Variants in GRXCR2 observed in about 807,000 individuals in gnomAD.
The protein encoded by GRXCR2 is glutaredoxin and cysteine rich domain containing 2, also known as glutaredoxin domain-containing cysteine-rich protein 2.
A neutral mutation model predicts 24.8 loss-of-function variants in GRXCR2; 23 were observed. The observed-to-expected ratio is 0.93, with a 90% confidence interval of 0.67 to 1.32. GRXCR2 has a LOEUF of 1.32. GRXCR2 is among the 40% of genes most tolerant of loss of function. GRXCR2 has a pLI of 0.00. For missense variants in GRXCR2, 315 were observed against 303.4 expected, an observed-to-expected ratio of 1.04 and a Z score of -0.28; for synonymous variants, 130 against 116.1, an observed-to-expected ratio of 1.12 and a Z score of -0.77.
At chr5:145,878,172 A>G (rs1756647069) in intron 2 of GRXCR2, among the ~76,000 whole-genome samples, 1 of 152,248 alleles carries the variant, frequency 6.6e-6, no homozygotes, top group Non-Finnish European at 1.5e-5. Context: ...CCAGCAACGG[A>G]TCAAAGCTGG....
At chr5:145,927,837 C>T (rs1047034877) in intron 2 of GRXCR2, among the ~76,000 whole-genome samples, 2 of 152,118 alleles carry the variant, frequency 1.3e-5, no homozygotes, top group African/African-American at 4.8e-5. Context: ...AGGACATAGG[C>T]ATGGGGAAGC....
intron 2 of GRXCR2, among the ~76,000 whole-genome samples, chr5:145,928,722 A>G (rs1437838415): frequency 7.7e-6 from 1 of 130,694 alleles, no homozygotes; most frequent in Admixed American, 8.7e-5. Context: ...TGGACACAGG[A>G]AGGGGAACAT....
chr5:145,890,322 T>C (rs151002621), intron 2 of GRXCR2, among the ~76,000 whole-genome samples: 2,069 of 152,246 alleles, frequency 0.014, 18 homozygotes, highest in Non-Finnish European at 0.021. Context: ...ACTTCTGACC[T>C]CAAGTAATCT....
At chr5:145,929,019 A>C (rs544796887) in intron 2 of GRXCR2, among the ~76,000 whole-genome samples, 2 of 151,726 alleles carry the variant, frequency 1.3e-5, no homozygotes, top group East Asian at 1.9e-4. Flanking sequence ...AGAAATAACC[A>C]TTGCTAACAT....
downstream of GRXCR2, among the ~76,000 whole-genome samples, chr5:145,857,671 G>T (rs1443815231): frequency 6.6e-6 from 1 of 152,160 alleles, no homozygotes; most frequent in African/African-American, 2.4e-5. Flanking sequence ...CAATAAATAT[G>T]ATCATTAGTA....
At chr5:145,902,115 A>G (rs1757033875) in intron 2 of GRXCR2, among the ~76,000 whole-genome samples, 1 of 151,996 alleles carries the variant, frequency 6.6e-6, no homozygotes, top group South Asian at 2.1e-4. Flanking sequence ...TTTTTTAGAG[A>G]GATGGGGTCT....
At chr5:145,889,183 AGAAAG>A in intron 2 of GRXCR2, among the ~76,000 whole-genome samples, 1 of 119,910 alleles carries the variant, frequency 8.3e-6, no homozygotes, top group African/African-American at 3.2e-5. Context: ...AAAGAAAGAA[AGAAAG>A]AAAGAAAGAA....
chr5:145,910,024 A>G lies in GRXCR2; in HGVS notation c.-70+25677T>C, dbSNP rs113191384. ...AACGAGATTCCCATTGCTCTTACTC[A>G]TTGGAACTGTCACGCTGTGGCTGAA... On this transcript the variant is annotated intron_variant, in intron 2 of 3. Coordinates refer to the GRXCR2 transcript ENST00000639411. Among the ~76,000 whole-genome samples the G allele has an allele frequency of 4.6e-3, 700 of 152,260 alleles. 7 individuals are homozygous for G. Among genetic ancestry groups the G allele is most frequent in the African/African-American group, 0.016 (664 of 41,562 alleles).
At chr5:145,866,759 T>C in intron 1 of GRXCR2, 31 bp from the exon 2 acceptor site, 2 of 1,408,340 alleles carry the variant, frequency 1.4e-6, no homozygotes, top group Non-Finnish European at 2.0e-6. Flanking sequence ...CATGGAAACT[T>C]TACCACCAAT....
At chr5:145,919,074 G>C (rs1317490007) in intron 2 of GRXCR2, among the ~76,000 whole-genome samples, 6 of 152,098 alleles carry the variant, frequency 3.9e-5, no homozygotes, top group African/African-American at 1.4e-4. Flanking sequence ...CTGTTCTTGC[G>C]GTCAAGTCGG....
Position 145,905,688 on chromosome 5 carries a change from C to T in GRXCR2, c.-70+30013G>A, listed in dbSNP as rs115643009. 3.3e-3 allele frequency among the ~76,000 whole-genome samples: 505 copies of T among 152,200 alleles called. 4 individuals carry two copies. The highest frequency in any genetic ancestry group is 0.011 in the African/African-American group (472 of 41,516). Reference sequence around the variant, plus strand: ...GGACGGGGTAGGAGAGGAATGAGGACATCTTCAAGAATGTGGCACTTAACC... The same window carrying T: ...GGACGGGGTAGGAGAGGAATGAGGATATCTTCAAGAATGTGGCACTTAACC... On this transcript the variant is annotated intron_variant, in intron 2 of 3. Transcript: ENST00000639411.
At chr5:145,916,589 T>C (rs528925123) in intron 2 of GRXCR2, among the ~76,000 whole-genome samples, 1 of 152,320 alleles carries the variant, frequency 6.6e-6, no homozygotes, top group African/African-American at 2.4e-5. Context: ...TCATTTGAAT[T>C]GCCTAGAAAA....
chr5:145,862,360 G>T (rs1756352997), intron 2 of GRXCR2, among the ~76,000 whole-genome samples: 1 of 152,132 alleles, frequency 6.6e-6, no homozygotes, highest in African/African-American at 2.4e-5. Context: ...ATTATTAGAA[G>T]TTTCACTGGA....
chr5:145,870,457 G>A (rs1380866366), intron 1 of GRXCR2, among the ~76,000 whole-genome samples: 3 of 152,028 alleles, frequency 2.0e-5, no homozygotes, highest in Admixed American at 1.3e-4. Flanking sequence ...TGTACATACC[G>A]CATCTTGTTT....
At chr5:145,929,198 C>CATATATATATATATATATAT (rs1554107328) in intron 2 of GRXCR2, among the ~76,000 whole-genome samples, 1,799 of 88,044 alleles carry the variant, frequency 0.02, 100 homozygotes, top group South Asian at 0.047. Flanking sequence ...AATATTCCCC[C>CATATATATATATATATATAT]CTATATATAT....
chr5:145,886,986 T>C (rs1414954761), intron 2 of GRXCR2, among the ~76,000 whole-genome samples: 1 of 152,368 alleles, frequency 6.6e-6, no homozygotes, highest in Middle Eastern at 3.4e-3. Context: ...AAAATTTATA[T>C]TGACACAGTA....
intron 2 of GRXCR2, among the ~76,000 whole-genome samples, chr5:145,889,421 C>T (rs191065357): frequency 2.0e-5 from 3 of 152,156 alleles, no homozygotes; most frequent in African/African-American, 7.2e-5. Flanking sequence ...CCCCAATAAC[C>T]TATGCAAATA....
At position 145,885,140 on chromosome 5, in the gene GRXCR2, T is replaced by C. The variant is rs137941838; in HGVS notation, c.-69-18412A>G. Among the ~76,000 whole-genome samples, 903 of 152,112 alleles carry C rather than the reference T, an allele frequency of 5.9e-3. 7 individuals carry two copies. Among genetic ancestry groups the C allele is most frequent in the African/African-American group, 0.021 (866 of 41,450 alleles). On this transcript the variant is annotated intron_variant, in intron 2 of 3. Coordinates refer to the GRXCR2 transcript ENST00000639411. ...GTGTGTGTCTGTCTGTCTGTCTGTCTGTGTGTATTTAAACTCCAGCATGGC... is the reference window on the plus strand; with the variant it reads ...GTGTGTGTCTGTCTGTCTGTCTGTCCGTGTGTATTTAAACTCCAGCATGGC...
chr5:145,863,183 TTC>T (rs1404564465), intron 2 of GRXCR2, among the ~76,000 whole-genome samples: 3 of 152,216 alleles, frequency 2.0e-5, no homozygotes, highest in African/African-American at 7.2e-5. Context: ...TTTCATCAGA[TTC>T]TCACTGCTGC....
Sources: allele counts gnomAD v4.1 joint callset (sites outside exome capture counted in the v4.1 genomes callset), GRCh38; gene constraint gnomAD v4.1.1; transcripts MANE v1.5; gene names NCBI Gene and HGNC (gene_info 2026-07-23, HGNC 2026-07-21).